PTPN14: variants seen among roughly 807,000 people sequenced by gnomAD.
PTPN14 encodes the protein tyrosine-protein phosphatase non-receptor type 14.
Under a neutral mutation model 126.8 loss-of-function variants are expected in PTPN14, and 53 were observed. The ratio of observed to expected loss-of-function variants is 0.42; its 90% CI spans 0.34 to 0.53. PTPN14 has a LOEUF of 0.53. PTPN14 is among the 20% of genes least tolerant of loss of function. The pLI, the probability that PTPN14 is intolerant of heterozygous loss-of-function variation, is 0.08. For synonymous variants in PTPN14, 630 were observed against 599.3 expected (o/e 1.05, Z -0.75); for missense variants, 1,257 against 1,552.9 (o/e 0.81, Z 3.20).
intron 1 of PTPN14, among the ~76,000 whole-genome samples, chr1:214,502,033 T>C (rs891294598): frequency 8.4e-6 from 1 of 118,598 alleles, no homozygotes; most frequent in African/African-American, 3.4e-5. Context: ...CCCTCCAGCC[T>C]GGGCGACGGT....
At chr1:214,481,326 G>T (rs1298641427) in intron 1 of PTPN14, among the ~76,000 whole-genome samples, 2 of 151,952 alleles carry the variant, frequency 1.3e-5, no homozygotes, top group East Asian at 3.9e-4. Flanking sequence ...GGCCAACATG[G>T]TGAAACCCCA....
At chr1:214,425,729 T>C (rs1395947350) in intron 3 of PTPN14, among the ~76,000 whole-genome samples, 1 of 152,212 alleles carries the variant, frequency 6.6e-6, no homozygotes, top group Admixed American at 6.5e-5. Context: ...ACAATTGGAA[T>C]TTTTATCAAT....
rs527499384 is a variant in PTPN14 at position 214,425,806 on chromosome 1, G to A, written c.345-11080C>T. ...AACAATGATAGCCCTTTGCATTTGC[G>A]CAGTTGTTTTCCAAGAATTGTCATG... On this transcript the variant is annotated intron_variant, in intron 3 of 18. Transcript: ENST00000366956. Among the ~76,000 whole-genome samples the A allele has an allele frequency of 7.9e-5, 12 of 152,124 alleles. No individual in the cohort carries two copies. In the East Asian group the frequency reaches 9.6e-4, roughly 12 times the overall value.
intron 2 of PTPN14, among the ~76,000 whole-genome samples, chr1:214,455,228 GA>G (rs779061434): frequency 1.1e-4 from 17 of 152,208 alleles, no homozygotes; most frequent in Non-Finnish European, 2.4e-4. Context: ...GCCCAGCTGA[GA>G]CCCCACCAGG....
intron 1 of PTPN14, among the ~76,000 whole-genome samples, chr1:214,467,038 T>C (rs1660655091): frequency 6.6e-6 from 1 of 152,146 alleles, no homozygotes; most frequent in African/African-American, 2.4e-5. Context: ...TTAAAATACA[T>C]ATGCTAGAAA....
chr1:214,395,780 A>G (rs1658864344), intron 8 of PTPN14, among the ~76,000 whole-genome samples: 1 of 151,856 alleles, frequency 6.6e-6, no homozygotes, highest in Non-Finnish European at 1.5e-5. Flanking sequence ...TGGTGCCCCA[A>G]CCTGTAATTC....
intron 1 of PTPN14, among the ~76,000 whole-genome samples, chr1:214,520,065 A>AAAAAATATAAATATATATATATAT: frequency 1.4e-5 from 1 of 71,142 alleles, no homozygotes; most frequent in East Asian, 4.8e-4. Context: ...AAAAAAAAAA[A>AAAAAATATAAATATATATATATAT]ATATATATAT....
intron 1 of PTPN14, among the ~76,000 whole-genome samples, chr1:214,533,856 A>AG (rs1430798821): frequency 5.3e-5 from 8 of 151,398 alleles, no homozygotes; most frequent in Admixed American, 1.3e-4. Flanking sequence ...AAAAAAAAAA[A>AG]AGAGAGAGAA....
chr1:214,396,223 G>T (rs1488808868), intron 8 of PTPN14, among the ~76,000 whole-genome samples: 1 of 152,166 alleles, frequency 6.6e-6, no homozygotes. Flanking sequence ...CTTTAAAAAT[G>T]AGGCAATATA....
At chr1:214,533,535 A>AAAT in intron 1 of PTPN14, 1 of 100,770 alleles carries the variant, frequency 9.9e-6, no homozygotes. Flanking sequence ...CGGTTTAAAT[A>AAAT]AAAAAAAAAA....
In PTPN14 at chr1:214,356,266, G is replaced by A. The variant is rs1657818589; in HGVS notation, c.*1656C>T. 6.6e-6 allele frequency: 1 copy of A among 152,190 alleles called. No homozygotes were observed. The highest frequency in any genetic ancestry group is 2.1e-4 in the South Asian group (1 of 4,836). The allele number at this position is 152,190 out of a possible 1,614,324, so 9.4% of individuals were successfully genotyped here. On this transcript the variant is annotated 3_prime_UTR_variant, in exon 19 of 19. Transcript: ENST00000366956. ...GAACCACCGTGCCTGGCTGACTACAGTTTTTTAATTGCACGTTTGTTCTTT... is the reference window on the plus strand; with the variant it reads ...GAACCACCGTGCCTGGCTGACTACAATTTTTTAATTGCACGTTTGTTCTTT...
rs538135946 is a variant in PTPN14, at chr1:214,413,961, G to A, written c.442+668C>T. Among the ~76,000 whole-genome samples, 5 of 150,848 alleles carry A rather than the reference G, an allele frequency of 3.3e-5. No homozygotes were observed. In the South Asian group the frequency reaches 8.3e-4, roughly 25 times the overall value. On this transcript the variant is annotated intron_variant, in intron 4 of 18. Coordinates refer to ENST00000366956, the MANE Select transcript of PTPN14 (RefSeq NM_005401.5). Reference sequence around the variant, plus strand: ...TGGGATTACAGGCATGAGCCACCGCGCTGGCCTATCTTGCTTTCAATATGG... The same window carrying A: ...TGGGATTACAGGCATGAGCCACCGCACTGGCCTATCTTGCTTTCAATATGG...
At chr1:214,415,832 A>T (rs1659414922) in intron 3 of PTPN14, among the ~76,000 whole-genome samples, 1 of 152,184 alleles carries the variant, frequency 6.6e-6, no homozygotes, top group Admixed American at 6.5e-5. Flanking sequence ...CTTTGGTGGG[A>T]AAAACCTATA....
chr1:214,402,545 C>T (rs1002668665), intron 6 of PTPN14, among the ~76,000 whole-genome samples: 9 of 148,588 alleles, frequency 6.1e-5, no homozygotes, highest in South Asian at 2.2e-4. Flanking sequence ...CTCTCTTTTT[C>T]TTTCCTTCAC....
At chr1:214,447,411 T>C (rs1163444025) in intron 3 of PTPN14, among the ~76,000 whole-genome samples, 1 of 152,144 alleles carries the variant, frequency 6.6e-6, no homozygotes, top group East Asian at 1.9e-4. Context: ...AAAATGTTAT[T>C]CTGTCCAAAC....
intron 1 of PTPN14, among the ~76,000 whole-genome samples, chr1:214,481,245 C>T (rs533634227): frequency 1.3e-5 from 2 of 152,246 alleles, no homozygotes; most frequent in Non-Finnish European, 2.9e-5. Context: ...GTGGCTCACG[C>T]CTATAATCCC....
Position 214,534,442 on chromosome 1 carries a change from G to A in PTPN14, c.-155+16741C>T, listed in dbSNP as rs924972423. Among the ~76,000 whole-genome samples, 14 of 152,236 alleles carry A rather than the reference G, an allele frequency of 9.2e-5. No homozygotes were observed. The South Asian group carries it at 2.9e-3, about 32-fold the overall frequency. ...ATAAAAGACGTTATTGGCCGGGCGC[G>A]GTGGCTCAAGCCTGTAATCCCAGCA... On this transcript the variant is annotated intron_variant, in intron 1 of 18. Coordinates refer to ENST00000366956, the MANE Select transcript of PTPN14 (RefSeq NM_005401.5).
At chr1:214,538,778 C>T (rs1372123181) in intron 1 of PTPN14, among the ~76,000 whole-genome samples, 1 of 152,150 alleles carries the variant, frequency 6.6e-6, no homozygotes, top group African/African-American at 2.4e-5. Flanking sequence ...CCAGAATTTG[C>T]AGAACAAAGA....
At position 214,378,113 on chromosome 1, in the gene PTPN14, G is replaced by A. The variant is rs763243505; in HGVS notation, c.2545-11C>T. 6.2e-7 allele frequency: 1 copy of A among 1,605,680 alleles called. No individual in the cohort carries two copies. Among genetic ancestry groups the A allele is most frequent in the South Asian group, 1.1e-5 (1 of 90,630 alleles). Reference sequence around the variant, plus strand: ...CTGCTTCTCTAGATTCTTGCGGCAAGAAAAGGCATGTGCTCATTGTTTATA... The same window carrying A: ...CTGCTTCTCTAGATTCTTGCGGCAAAAAAAGGCATGTGCTCATTGTTTATA... On this transcript the variant is annotated splice_polypyrimidine_tract_variant and intron_variant, in intron 13 of 18. Transcript: ENST00000366956.
Sources: gnomAD v4.1 joint callset for allele counts (sites outside exome capture counted in the v4.1 genomes callset) on GRCh38, gnomAD v4.1.1 for gene constraint, MANE v1.5 for transcripts, NCBI Gene and HGNC (gene_info 2026-07-23, HGNC 2026-07-21) for gene names.